APBA1: variants seen among roughly 807,000 people sequenced by gnomAD.
APBA1 encodes amyloid-beta A4 precursor protein-binding family A member 1.
Under a neutral mutation model 86.6 loss-of-function variants are expected in APBA1, and 55 were observed. The ratio of observed to expected loss-of-function variants is 0.64; its 90% CI spans 0.51 to 0.80. The LOEUF (loss-of-function observed/expected upper bound fraction) is 0.80. Ranked by LOEUF, APBA1 falls within the 30% of genes least tolerant of loss-of-function variation. The pLI, the probability that APBA1 is intolerant of heterozygous loss-of-function variation, is 0.00. For missense variants in APBA1, 1,090 were observed against 1,183.0 expected, an observed-to-expected ratio of 0.92 and a Z score of 1.15; for synonymous variants, 511 against 493.9, an observed-to-expected ratio of 1.03 and a Z score of -0.46.
At position 69,436,176 on chromosome 9, in the gene APBA1, C is replaced by T. The variant is rs778096964; in HGVS notation, c.2302-3500G>A. ...TACCAGTACCATGCTGTTTTGGTTA[C>T]TATAGCCTTGTAGTATAGTTTGAAG... On this transcript the variant is annotated intron_variant, in intron 11 of 12. Coordinates refer to ENST00000265381, the MANE Select transcript of APBA1 (RefSeq NM_001163.4). Among the ~76,000 whole-genome samples the T allele has an allele frequency of 2.1e-4, 31 of 149,998 alleles. 1 individual carries two copies. Among genetic ancestry groups the T allele is most frequent in the Non-Finnish European group, 1.3e-4 (9 of 67,166 alleles).
At chr9:69,448,495 G>C (rs1443422524) in intron 10 of APBA1, among the ~76,000 whole-genome samples, 2 of 152,184 alleles carry the variant, frequency 1.3e-5, no homozygotes, top group African/African-American at 4.8e-5. Context: ...TTCCAGATGT[G>C]ATTATCTTAT....
chr9:69,621,092 T>A (rs1822808009), intron 1 of APBA1, among the ~76,000 whole-genome samples: 1 of 152,152 alleles, frequency 6.6e-6, no homozygotes, highest in African/African-American at 2.4e-5. Flanking sequence ...GGATAGGACT[T>A]TTGGTAAAAA....
intron 1 of APBA1, among the ~76,000 whole-genome samples, chr9:69,560,864 AT>A (rs1268728888): frequency 1.3e-5 from 2 of 152,194 alleles, no homozygotes; most frequent in Non-Finnish European, 2.9e-5. Context: ...CAGATTTAAA[AT>A]TAGGAATGTT....
At chr9:69,481,737 TAAC>T (rs1835513032) in intron 2 of APBA1, among the ~76,000 whole-genome samples, 1 of 150,372 alleles carries the variant, frequency 6.7e-6, no homozygotes, top group Admixed American at 6.6e-5. Flanking sequence ...AAGGCTACAG[TAAC>T]CACAACAGCA....
At chr9:69,475,134 A>T (rs1474528257) in intron 3 of APBA1, among the ~76,000 whole-genome samples, 1 of 152,106 alleles carries the variant, frequency 6.6e-6, no homozygotes, top group Non-Finnish European at 1.5e-5. Context: ...GGTACGGGGG[A>T]AGGCAGTGTC....
intron 1 of APBA1, among the ~76,000 whole-genome samples, chr9:69,549,900 T>G (rs888108969): frequency 3.3e-5 from 5 of 152,216 alleles, no homozygotes; most frequent in African/African-American, 1.2e-4. Context: ...TTTCCAATCA[T>G]TTAGTACAGG....
chr9:69,442,638 G>A (rs1023972913), intron 10 of APBA1, among the ~76,000 whole-genome samples: 8 of 152,198 alleles, frequency 5.3e-5, no homozygotes, highest in African/African-American at 1.7e-4. Flanking sequence ...CGCCCTCTAC[G>A]AGTGAAGTGG....
intron 2 of APBA1, among the ~76,000 whole-genome samples, chr9:69,490,258 G>C (rs1481231029): frequency 1.3e-5 from 2 of 151,880 alleles, no homozygotes; most frequent in African/African-American, 4.8e-5. Context: ...CTCACTCATA[G>C]GTGGGAATTG....
At position 69,522,096 on chromosome 9, in the gene APBA1, TTA is replaced by T. The variant is rs1316852334; in HGVS notation, c.-69-4819_-69-4818del. Among the ~76,000 whole-genome samples, 859 of 148,768 alleles carry T rather than the reference TTA, an allele frequency of 5.8e-3. 7 individuals carry two copies. Among genetic ancestry groups the T allele is most frequent in the African/African-American group, 0.019 (777 of 40,846 alleles). On this transcript the variant is annotated intron_variant, in intron 1 of 12. Transcript: ENST00000265381. ...ACACACACACACACACATATATAAA[TTA>T]TATATATATATATGTGTGTGTGTAT...
chr9:69,626,817 C>A (rs569959353), intron 1 of APBA1, among the ~76,000 whole-genome samples: 120 of 152,026 alleles, frequency 7.9e-4, no homozygotes, highest in African/African-American at 2.8e-3. Context: ...GGCATCTTGG[C>A]CCATATTTAT....
intron 1 of APBA1, among the ~76,000 whole-genome samples, chr9:69,530,325 T>C (rs62567233): frequency 0.074 from 6,964 of 93,706 alleles, 198 homozygotes; most frequent in Non-Finnish European, 0.11. Flanking sequence ...TATATATATA[T>C]ATATACACAC....
chr9:69,664,100 G>C (rs1359767659), intron 1 of APBA1, among the ~76,000 whole-genome samples: 1 of 152,188 alleles, frequency 6.6e-6, no homozygotes, highest in Non-Finnish European at 1.5e-5. Context: ...GTGTGTTTCA[G>C]AGGTTACTTA....
At chr9:69,638,311 G>A (rs1337894560) in intron 1 of APBA1, among the ~76,000 whole-genome samples, 1 of 152,190 alleles carries the variant, frequency 6.6e-6, no homozygotes, top group Non-Finnish European at 1.5e-5. Context: ...CAAAACCTCA[G>A]CTCACCGCAA....
intron 5 of APBA1, among the ~76,000 whole-genome samples, chr9:69,467,355 C>T (rs1245532827): frequency 1.3e-5 from 2 of 152,192 alleles, no homozygotes; most frequent in African/African-American, 4.8e-5. Flanking sequence ...TAGATTTGAT[C>T]AAAGGGTTCA....
At position 69,536,004 on chromosome 9, in the gene APBA1, T is replaced by C. The variant is rs116533223; in HGVS notation, c.-69-18725A>G. ...CCCACATATTTGGTGATTCTATTCATACTTAAAAATAAAGGATTAGGTAGA... is the reference window on the plus strand; with the variant it reads ...CCCACATATTTGGTGATTCTATTCACACTTAAAAATAAAGGATTAGGTAGA... On this transcript the variant is annotated intron_variant, in intron 1 of 12. Transcript: ENST00000265381. 7.3e-3 allele frequency among the ~76,000 whole-genome samples: 1,100 copies of C among 151,312 alleles called. 10 individuals carry two copies. Among genetic ancestry groups the C allele is most frequent in the African/African-American group, 0.025 (1,024 of 41,318 alleles).
chr9:69,640,981 A>G (rs1281329408), intron 1 of APBA1, among the ~76,000 whole-genome samples: 1 of 152,022 alleles, frequency 6.6e-6, no homozygotes, highest in Non-Finnish European at 1.5e-5. Flanking sequence ...AGAAAGAAAG[A>G]AAGAGAAAGA....
In APBA1 at chr9:69,430,908, A is replaced by T. The variant is rs1834579408; in HGVS notation, c.*419T>A. 1 of 161,840 alleles carries T rather than the reference A, an allele frequency of 6.2e-6. No homozygotes were observed. The highest frequency in any genetic ancestry group is 1.3e-5 in the Non-Finnish European group (1 of 74,314). The allele number at this position is 161,840 out of a possible 1,614,324, so 10.0% of individuals were successfully genotyped here. On this transcript the variant is annotated 3_prime_UTR_variant, in exon 13 of 13. Coordinates refer to ENST00000265381, the MANE Select transcript of APBA1 (RefSeq NM_001163.4). ...CACATTCCCACAGATAAACTCAGAGAGCAGGGATCAGCAACTGGGTTTTAG... is the reference window on the plus strand; with the variant it reads ...CACATTCCCACAGATAAACTCAGAGTGCAGGGATCAGCAACTGGGTTTTAG...
At chr9:69,523,515 A>ATG (rs1294029890) in intron 1 of APBA1, among the ~76,000 whole-genome samples, 3 of 58,828 alleles carry the variant, frequency 5.1e-5, no homozygotes, top group Non-Finnish European at 8.2e-5. Flanking sequence ...ATATATATAT[A>ATG]TATATATATA....
chr9:69,671,183 G>C (rs1339295781), intron 1 of APBA1, among the ~76,000 whole-genome samples: 1 of 152,294 alleles, frequency 6.6e-6, no homozygotes, highest in African/African-American at 2.4e-5. Flanking sequence ...GGGACAGGAA[G>C]AGGAATCTGA....
Sources: allele counts gnomAD v4.1 joint callset (sites outside exome capture counted in the v4.1 genomes callset), GRCh38; gene constraint gnomAD v4.1.1; transcripts MANE v1.5; gene names NCBI Gene and HGNC (gene_info 2026-07-23, HGNC 2026-07-21).